The following EP300 variants were observed in gnomAD, a reference collection of about 807,000 sequenced individuals.
EP300 encodes EP300 lysine acetyltransferase.
Under a neutral mutation model 264.0 loss-of-function variants are expected in EP300, and 31 were observed. The observed-to-expected ratio is 0.12, with a 90% confidence interval of 0.09 to 0.16. The LOEUF (loss-of-function observed/expected upper bound fraction) is 0.16. Ranked by LOEUF, EP300 falls within the 10% of genes least tolerant of loss-of-function variation. The pLI, the probability that EP300 is intolerant of heterozygous loss-of-function variation, is 1.00. For missense variants in EP300, 2,766 were observed against 3,052.9 expected, an observed-to-expected ratio of 0.91 and a Z score of 2.21; for synonymous variants, 1,340 against 1,045.4, an observed-to-expected ratio of 1.28 and a Z score of -5.44.
chr22:41,102,029 C>CTTTTTTTTTTTTTT (rs5845488), intron 1 of EP300, among the ~76,000 whole-genome samples: 72 of 119,100 alleles, frequency 6.0e-4, no homozygotes, highest in East Asian at 7.4e-4. Flanking sequence ...TTTTTCTTTT[C>CTTTTTTTTTTTTTT]TTTTTTTTTT....
chr22:41,158,650 T>C, intron 19 of EP300, 150 bp downstream of exon 19: 1 of 678,740 alleles, frequency 1.5e-6, no homozygotes, highest in East Asian at 2.8e-5. Flanking sequence ...CCTTCTGCCT[T>C]TGTTTGCAGA....
At position 41,178,128 on chromosome 22, in the gene EP300, C is replaced by A; in HGVS notation, c.6417C>A (p.Gly2139=). 6.2e-7 allele frequency: 1 copy of A among 1,614,116 alleles called. No individual in the cohort carries two copies. The highest frequency in any genetic ancestry group is 8.5e-7 in the Non-Finnish European group (1 of 1,180,006). ...AMQNMNPMQA[G]VQRAGLPQQQ... ...AGAACATGAATCCAATGCAGGCGGG[C>A]GTTCAGAGGGCTGGCCTGCCCCAGC... Residue 2139 remains glycine (G), a synonymous_variant, in exon 31 of 31, where the codon GGC becomes GGA. Coordinates refer to ENST00000263253, the MANE Select transcript of EP300 (RefSeq NM_001429.4).
chr22:41,100,292 C>T (rs999529028), intron 1 of EP300, among the ~76,000 whole-genome samples: 1 of 152,046 alleles, frequency 6.6e-6, no homozygotes, highest in Non-Finnish European at 1.5e-5. Context: ...TATTTTTGTA[C>T]CACAGGTGTT....
intron 2 of EP300, among the ~76,000 whole-genome samples, chr22:41,123,810 A>G (rs146745541): frequency 0.012 from 1,816 of 152,338 alleles, 28 homozygotes; most frequent in Middle Eastern, 0.024. Flanking sequence ...AATAATTTGA[A>G]AGATTAATGA....
intron 8 of EP300, among the ~76,000 whole-genome samples, chr22:41,138,790 T>C (rs1223923434): frequency 6.6e-6 from 1 of 152,234 alleles, no homozygotes; most frequent in African/African-American, 2.4e-5. Flanking sequence ...TCGTCTTTAC[T>C]GTATCCATAT....
intron 3 of EP300, 131 bp from the exon 4 acceptor site, chr22:41,127,356 G>T: frequency 8.5e-7 from 1 of 1,179,238 alleles, no homozygotes. Flanking sequence ...TGCATTCCCT[G>T]TGTCAAAAAA....
intron 14 of EP300, 80 bp from the exon 15 acceptor site, chr22:41,151,753 T>C: frequency 7.0e-7 from 1 of 1,432,964 alleles, no homozygotes; most frequent in Non-Finnish European, 9.8e-7. Flanking sequence ...TCTGCTATCC[T>C]GTTGCTTACC....
intron 29 of EP300, chr22:41,175,909 C>T (rs2059197611): frequency 3.0e-6 from 1 of 336,270 alleles, no homozygotes; most frequent in Non-Finnish European, 5.7e-6. Flanking sequence ...GTGAAACTAA[C>T]TCAGCATTCG....
Position 41,117,137 on chromosome 22 carries a change from T to A in EP300, c.95-50T>A, listed in dbSNP as rs748433374. ...TTGAGAACAATATAGAGCAGTTTTT[T>A]ATTTTGGTTTTGTCATACTTTGACC... On this transcript the variant is annotated intron_variant, in intron 1 of 30. Transcript: ENST00000263253. The A allele has an allele frequency of 2.1e-5, 33 of 1,538,904 alleles. No homozygotes were observed. The East Asian group carries it at 6.7e-4, about 31-fold the overall frequency.
chr22:41,169,292 G>C, intron 25 of EP300: 1 of 597,430 alleles, frequency 1.7e-6, no homozygotes, highest in South Asian at 2.0e-5. Flanking sequence ...GGCACTGCTA[G>C]TTACTACAAA....
chr22:41,142,984 A>T (rs1389458502), intron 10 of EP300, among the ~76,000 whole-genome samples: 2 of 152,304 alleles, frequency 1.3e-5, no homozygotes, highest in East Asian at 3.9e-4. Context: ...TCTGTGAGAT[A>T]TTAAATTGTA....
At chr22:41,114,109 C>G (rs368508753) in intron 1 of EP300, among the ~76,000 whole-genome samples, 1 of 152,122 alleles carries the variant, frequency 6.6e-6, no homozygotes, top group South Asian at 2.1e-4. Flanking sequence ...GGAACTATAT[C>G]AGTATATTAA....
chr22:41,112,469 G>A (rs2058797889), intron 1 of EP300, among the ~76,000 whole-genome samples: 2 of 152,318 alleles, frequency 1.3e-5, no homozygotes, highest in Admixed American at 6.5e-5. Context: ...AAAGTGCTGG[G>A]ATTACAGGCG....
chr22:41,170,857 G>A (rs924526818), intron 27 of EP300, among the ~76,000 whole-genome samples: 3 of 150,862 alleles, frequency 2.0e-5, no homozygotes, highest in Admixed American at 6.6e-5. Flanking sequence ...TAGAGACGGG[G>A]TTTCACCGTG....
intron 1 of EP300, among the ~76,000 whole-genome samples, chr22:41,105,740 AAAGTAT>A (rs1397753366): frequency 6.6e-6 from 1 of 152,186 alleles, no homozygotes; most frequent in Non-Finnish European, 1.5e-5. Context: ...ATCTCTTCCC[AAAGTAT>A]AAGTATACCT....
intron 6 of EP300, among the ~76,000 whole-genome samples, chr22:41,132,363 C>A (rs1437084854): frequency 7.4e-6 from 1 of 135,244 alleles, no homozygotes; most frequent in Non-Finnish European, 1.5e-5. Flanking sequence ...TCTCGGCTCA[C>A]TGCAACCTCT....
chr22:41,109,269 C>CA lies in EP300; in HGVS notation c.95-7909dup, dbSNP rs1040764795. 7.1e-3 allele frequency among the ~76,000 whole-genome samples: 801 copies of CA among 112,426 alleles called. 6 individuals carry two copies. Among genetic ancestry groups the CA allele is most frequent in the African/African-American group, 0.021 (705 of 32,890 alleles). 73.8% of individuals were successfully genotyped at this position (112,426 alleles called of 152,430 possible). A position where few individuals can be genotyped will look rare whatever the true frequency, so the allele number is the denominator to read the frequency against. On this transcript the variant is annotated intron_variant, in intron 1 of 30. Coordinates refer to ENST00000263253, the MANE Select transcript of EP300 (RefSeq NM_001429.4). Reference sequence around the variant, plus strand: ...ACCCTGTCTCAAAAAAAAAAAAAAACAAAAAAAAACGGAAAACATAAGACA... The same window carrying CA: ...ACCCTGTCTCAAAAAAAAAAAAAAACAAAAAAAAAACGGAAAACATAAGACA...
Position 41,169,499 on chromosome 22 carries a change from A to G in EP300, c.4173-4A>G, listed in dbSNP as rs1282680913. ...TCCTCTTCATTTCTCTTCATTTTGT[A>G]TAGGAGAGTATACATATCTTACCTC... On this transcript the variant is annotated splice_region_variant and splice_polypyrimidine_tract_variant and intron_variant, in intron 25 of 30. Transcript: ENST00000263253. 7 of 1,576,238 alleles carry G rather than the reference A, an allele frequency of 4.4e-6. No homozygotes were observed. The highest frequency in any genetic ancestry group is 6.1e-6 in the Non-Finnish European group (7 of 1,148,732).
chr22:41,171,156 G>C (rs959903178), intron 27 of EP300, among the ~76,000 whole-genome samples: 3 of 151,490 alleles, frequency 2.0e-5, no homozygotes, highest in Non-Finnish European at 2.9e-5. Context: ...ATTTATTTTT[G>C]GGGGGAGGGT....
Sources: gnomAD v4.1 joint callset for allele counts (sites outside exome capture counted in the v4.1 genomes callset) on GRCh38, gnomAD v4.1.1 for gene constraint, MANE v1.5 for transcripts, NCBI Gene and HGNC (gene_info 2026-07-23, HGNC 2026-07-21) for gene names.